The following CASP5 variants were observed in gnomAD, a reference collection of about 807,000 sequenced individuals.
The protein encoded by CASP5 is caspase-5.
A neutral mutation model predicts 45.2 loss-of-function variants in CASP5; 42 were observed. That is an observed-to-expected ratio of 0.93 (90% CI 0.73 to 1.20). The LOEUF (loss-of-function observed/expected upper bound fraction) is 1.20. Ranked by LOEUF, CASP5 falls within the 50% of genes most tolerant of loss-of-function variation. The pLI is 0.00. For synonymous variants in CASP5, 209 were observed against 186.2 expected (o/e 1.12, Z -1.00); for missense variants, 512 against 532.2 (o/e 0.96, Z 0.37).
intron 7 of CASP5, among the ~76,000 whole-genome samples, chr11:104,998,389 C>T (rs183649698): frequency 3.9e-4 from 60 of 152,248 alleles, no homozygotes; most frequent in African/African-American, 1.4e-3. Context: ...ATTAGCTCCA[C>T]CCTAACATTT....
chr11:105,001,115 C>T (rs1281531915), intron 5 of CASP5, among the ~76,000 whole-genome samples: 5 of 152,184 alleles, frequency 3.3e-5, no homozygotes, highest in Admixed American at 6.5e-5. Context: ...TCTGGACCAA[C>T]CCAAAAACAT....
intron 1 of CASP5, among the ~76,000 whole-genome samples, chr11:105,015,632 G>A (rs1862549812): frequency 6.6e-6 from 1 of 152,066 alleles, no homozygotes; most frequent in Admixed American, 6.6e-5. Flanking sequence ...ATTATCTAAT[G>A]ATTCTCCTGA....
rs111596321 is a variant in CASP5 at position 105,022,699 on chromosome 11, A to G, written c.7+431T>C. 1.2e-4 allele frequency among the ~76,000 whole-genome samples: 18 copies of G among 152,290 alleles called. 1 individual carries two copies. The highest frequency in any genetic ancestry group is 3.4e-4 in the African/African-American group (14 of 41,552). On this transcript the variant is annotated intron_variant, in intron 1 of 9. Coordinates refer to ENST00000260315, the MANE Select transcript of CASP5 (RefSeq NM_004347.5). ...AAACAGACCAATAAGATAATTCAAG[A>G]TAAGAGATGACAACACGTTGAGAAC... is the stretch of plus-strand genomic sequence containing the variant.
intron 1 of CASP5, among the ~76,000 whole-genome samples, chr11:105,014,206 C>T (rs1228483203): frequency 1.3e-5 from 2 of 152,130 alleles, no homozygotes; most frequent in Non-Finnish European, 2.9e-5. Flanking sequence ...TTCTGCTCTT[C>T]ATTTAATGTC....
intron 8 of CASP5, among the ~76,000 whole-genome samples, chr11:104,996,489 C>A (rs1861476216): frequency 6.6e-6 from 1 of 152,214 alleles, no homozygotes; most frequent in African/African-American, 2.4e-5. Flanking sequence ...AGTGGTATAT[C>A]TTCCTTTTCC....
chr11:105,000,795 C>G (rs767329587), intron 5 of CASP5, among the ~76,000 whole-genome samples: 1 of 151,950 alleles, frequency 6.6e-6, no homozygotes, highest in Non-Finnish European at 1.5e-5. Flanking sequence ...TCTTTTCTCT[C>G]CTTTCCTAAC....
At chr11:104,999,336 A>T (rs1210494013) in intron 6 of CASP5, among the ~76,000 whole-genome samples, 1 of 152,182 alleles carries the variant, frequency 6.6e-6, no homozygotes, top group Non-Finnish European at 1.5e-5. Context: ...TAATTTGCTG[A>T]GGATGATAGC....
At chr11:104,995,534 T>G (rs903882120) in intron 9 of CASP5, among the ~76,000 whole-genome samples, 1 of 152,200 alleles carries the variant, frequency 6.6e-6, no homozygotes, top group African/African-American at 2.4e-5. Context: ...TGCTGCAATT[T>G]TCCTTACCCT....
intron 1 of CASP5, among the ~76,000 whole-genome samples, chr11:105,017,271 C>T (rs892832206): frequency 7.9e-5 from 12 of 152,250 alleles, no homozygotes; most frequent in Non-Finnish European, 1.5e-4. Context: ...CAAAGGAACG[C>T]AGTTCCTCGC....
Position 104,999,036 on chromosome 11 carries a change from G to A in CASP5, c.953-8C>T, listed in dbSNP as rs771560676. The stretch of plus-strand genomic sequence containing the variant: ...AGAGTTCCCCATGTTTTTCTGTAGA[G>A]ACATCAACTTTCTTTTTTTTTTATG... On this transcript the variant is annotated splice_region_variant and splice_polypyrimidine_tract_variant and intron_variant, in intron 6 of 9. Coordinates refer to ENST00000260315, the MANE Select transcript of CASP5 (RefSeq NM_004347.5). 3 of 1,576,654 alleles carry A rather than the reference G, an allele frequency of 1.9e-6. No individual in the cohort carries two copies. The Admixed American group carries it at 6.2e-5, about 32-fold the overall frequency.
At chr11:104,998,785 C>G in intron 7 of CASP5, 100 bp downstream of exon 7, 1 of 1,170,920 alleles carries the variant, frequency 8.5e-7, no homozygotes. Flanking sequence ...ACACCATTCT[C>G]TCAGCTCATT....
At chr11:105,001,231 G>A (rs1465452962) in intron 5 of CASP5, among the ~76,000 whole-genome samples, 2 of 152,066 alleles carry the variant, frequency 1.3e-5, no homozygotes, top group African/African-American at 4.8e-5. Context: ...GAAATTGTCC[G>A]GTTTCGTTTA....
chr11:104,999,117 G>C (rs546019343), intron 6 of CASP5, 89 bp from the exon 7 acceptor site: 2 of 1,147,106 alleles, frequency 1.7e-6, no homozygotes, highest in South Asian at 3.1e-5. Context: ...ACATAGTTAC[G>C]CATGTACCAT....
intron 5 of CASP5, among the ~76,000 whole-genome samples, chr11:105,000,778 A>G (rs1448965267): frequency 6.8e-6 from 1 of 147,946 alleles, no homozygotes; most frequent in Non-Finnish European, 1.5e-5. Flanking sequence ...ACTTTTTTTT[A>G]TCTCAATCTT....
In CASP5 at chr11:104,995,749, T is replaced by G; in HGVS notation, c.1300A>C (p.Asn434His). 1 of 1,605,206 alleles carries G rather than the reference T, an allele frequency of 6.2e-7. No individual in the cohort carries two copies. The highest frequency in any genetic ancestry group is 8.5e-7 in the Non-Finnish European group (1 of 1,172,456). Residue 434 changes from asparagine (N) to histidine (H), a missense_variant, in exon 9 of 10, where the codon AAT (asparagine) becomes CAT (histidine). Asn to His is a moderately conservative substitution (Grantham distance 68, BLOSUM62 1). Transcript: ENST00000260315. Reference sequence around the variant, plus strand: ...AACTCTCAATACTTACATTTTCAATTGCCAGGAAAGAGGTAGAAATCTCTT... The same window carrying G: ...AACTCTCAATACTTACATTTTCAATGGCCAGGAAAGAGGTAGAAATCTCTT... ...LTRDFYLFPG[N>H]
At chr11:105,010,296 A>T (rs1396602017) in intron 1 of CASP5, among the ~76,000 whole-genome samples, 1 of 149,974 alleles carries the variant, frequency 6.7e-6, no homozygotes, top group Non-Finnish European at 1.5e-5. Flanking sequence ...TTTTGTGATT[A>T]AAAAATGAAT....
intron 1 of CASP5, among the ~76,000 whole-genome samples, chr11:105,016,678 G>A (rs530246745): frequency 4.7e-4 from 72 of 152,310 alleles, no homozygotes; most frequent in Admixed American, 1.1e-3. Flanking sequence ...CTCGCTGATT[G>A]CTAGCACAGC....
chr11:105,007,114 G>A lies in CASP5; in HGVS notation c.402C>T (p.Leu134=). ...VAHQMFTQTL[L]NMDQKITSVK... ...CACTGGTGATCTTTTGGTCCATATTGAGAAGTGTTTGGGTAAACATTTGAT... is the reference window on the plus strand; with the variant it reads ...CACTGGTGATCTTTTGGTCCATATTAAGAAGTGTTTGGGTAAACATTTGAT... Residue 134 remains leucine (L), a synonymous_variant, in exon 3 of 10, where the codon CTC becomes CTT. Coordinates refer to ENST00000260315, the MANE Select transcript of CASP5 (RefSeq NM_004347.5). The A allele has an allele frequency of 6.2e-7, 1 of 1,613,552 alleles. No homozygotes were observed. Among genetic ancestry groups the A allele is most frequent in the Non-Finnish European group, 8.5e-7 (1 of 1,179,578 alleles).
chr11:105,019,627 G>A (rs374385824), intron 1 of CASP5, among the ~76,000 whole-genome samples: 4,466 of 125,280 alleles, frequency 0.036, 85 homozygotes, highest in Admixed American at 0.045. Flanking sequence ...ATCTCTGAAT[G>A]GACCAATAAC....
Sources: allele counts gnomAD v4.1 joint callset (sites outside exome capture counted in the v4.1 genomes callset), GRCh38; gene constraint gnomAD v4.1.1; transcripts MANE v1.5; gene names NCBI Gene and HGNC (gene_info 2026-07-23, HGNC 2026-07-21).